The following SPTBN1 variants were observed in gnomAD, a reference collection of about 807,000 sequenced individuals.
SPTBN1 encodes the protein spectrin beta, non-erythrocytic 1.
Under a neutral mutation model 266.4 loss-of-function variants are expected in SPTBN1, and 32 were observed. The observed-to-expected ratio is 0.12, with a 90% CI of 0.09 to 0.16. SPTBN1 has a LOEUF of 0.16. SPTBN1 is among the 10% of genes least tolerant of loss of function. SPTBN1 has a pLI of 1.00. For missense variants in SPTBN1, 2,296 were observed against 3,067.1 expected (o/e 0.75, Z 5.94); for synonymous variants, 1,336 against 1,162.2 (o/e 1.15, Z -3.04).
rs1678588172 is a variant in SPTBN1, at chr2:54,629,550, C to G, written c.2416C>G (p.Gln806Glu). The G allele has an allele frequency of 6.2e-7, 1 of 1,614,108 alleles. No individual in the cohort carries two copies. Among genetic ancestry groups the G allele is most frequent in the Non-Finnish European group, 8.5e-7 (1 of 1,180,046 alleles). Residue 806 changes from glutamine to glutamate, a missense_variant, in exon 14 of 36, where the codon CAA becomes GAA. Physicochemically the swap from Gln to Glu is conservative, Grantham distance 29 (BLOSUM62 2). This residue lies in a region of SPTBN1 where 434 missense variants were observed against 573.9 expected (regional missense o/e 0.76). Coordinates refer to ENST00000356805, the MANE Select transcript of SPTBN1 (RefSeq NM_003128.3). ...GCCCACCCTTGACACGCTGCACGAACAAGCCAGCGCCCTCCCCCAGGAGCA... is the reference window on the plus strand; with the variant it reads ...GCCCACCCTTGACACGCTGCACGAAGAAGCCAGCGCCCTCCCCCAGGAGCA... ...YRPTLDTLHE[Q>E]ASALPQEHAE...
At chr2:54,516,803 C>T (rs926024530) in intron 1 of SPTBN1, among the ~76,000 whole-genome samples, 1 of 152,080 alleles carries the variant, frequency 6.6e-6, no homozygotes, top group Non-Finnish European at 1.5e-5. Context: ...TAACATGTGC[C>T]CAAGGTGGTC....
chr2:54,470,089 A>G (rs1016992881), intron 1 of SPTBN1, among the ~76,000 whole-genome samples: 1 of 152,178 alleles, frequency 6.6e-6, no homozygotes, highest in Non-Finnish European at 1.5e-5. Context: ...TGAAAGGCCT[A>G]TTTTGCCTTC....
intron 2 of SPTBN1, among the ~76,000 whole-genome samples, chr2:54,591,574 G>C (rs1254298461): frequency 6.6e-6 from 1 of 152,152 alleles, no homozygotes; most frequent in Non-Finnish European, 1.5e-5. Flanking sequence ...GTCTTTAGGG[G>C]AACAATGAAT....
At position 54,626,582 on chromosome 2, in the gene SPTBN1, T is replaced by C. The variant is rs1395174556; in HGVS notation, c.1644+348T>C. 6.6e-6 allele frequency among the ~76,000 whole-genome samples: 1 copy of C among 152,158 alleles called. No individual in the cohort carries two copies. The highest frequency in any genetic ancestry group is 1.5e-5 in the Non-Finnish European group (1 of 68,026). ...TTGATCTGTGAGTGAGTGGTACTACTTTGGGCAGGGGTCCCGGAGAGGTGG... is the reference window on the plus strand; with the variant it reads ...TTGATCTGTGAGTGAGTGGTACTACCTTGGGCAGGGGTCCCGGAGAGGTGG... On this transcript the variant is annotated intron_variant, in intron 12 of 35. Coordinates refer to ENST00000356805, the MANE Select transcript of SPTBN1 (RefSeq NM_003128.3). The surrounding 1 kb of genome is among the most constrained non-coding windows in gnomAD (Gnocchi z 4.7).
intron 1 of SPTBN1, among the ~76,000 whole-genome samples, chr2:54,481,391 AGTGTGTGT>A (rs72077761): frequency 0.13 from 15,336 of 117,090 alleles, 779 homozygotes; most frequent in Middle Eastern, 0.15. Context: ...CAGAAACCTG[AGTGTGTGT>A]GTGTGTGTGT....
At chr2:54,501,356 TG>T (rs1199280474) in intron 1 of SPTBN1, among the ~76,000 whole-genome samples, 1 of 152,216 alleles carries the variant, frequency 6.6e-6, no homozygotes, top group Admixed American at 6.5e-5. Context: ...TAACTAAGAC[TG>T]ACAAATACCA....
In SPTBN1 at chr2:54,492,341, G is replaced by GTTTTTT. The variant is rs780631106; in HGVS notation, c.-47-34029_-47-34024dup. ...CTGGACATTTAGTTTGTCTGCAGTT[G>GTTTTTT]TTTTTTTGTTTTTTTTTTTTTTTGC... On this transcript the variant is annotated intron_variant, in intron 1 of 35. Transcript: ENST00000356805. 1.2e-3 allele frequency among the ~76,000 whole-genome samples: 109 copies of GTTTTTT among 88,344 alleles called. 4 individuals are homozygous for GTTTTTT. Among genetic ancestry groups the GTTTTTT allele is most frequent in the African/African-American group, 2.1e-3 (51 of 24,148 alleles). 58.0% of individuals were successfully genotyped at this position (88,344 alleles called of 152,430 possible). A position where few individuals can be genotyped will look rare whatever the true frequency, so the allele number is the denominator to read the frequency against.
chr2:54,470,413 C>G (rs927514335), intron 1 of SPTBN1, among the ~76,000 whole-genome samples: 2 of 152,206 alleles, frequency 1.3e-5, no homozygotes, highest in Non-Finnish European at 1.5e-5. Context: ...AACTGCTTCT[C>G]AGTCTCCTCA....
At chr2:54,551,056 T>G (rs1258732357) in intron 2 of SPTBN1, among the ~76,000 whole-genome samples, 1 of 152,218 alleles carries the variant, frequency 6.6e-6, no homozygotes, top group Non-Finnish European at 1.5e-5. Context: ...TGAATATACT[T>G]GAGGGCAGGA....
rs183081183 is a variant in SPTBN1, at chr2:54,658,341, C to T, written c.6243+295C>T. Among the ~76,000 whole-genome samples the T allele has an allele frequency of 2.6e-5, 4 of 152,120 alleles. No individual in the cohort carries two copies. In the East Asian group the frequency reaches 7.7e-4, roughly 29 times the overall value. On this transcript the variant is annotated intron_variant, in intron 30 of 35. Coordinates refer to ENST00000356805, the MANE Select transcript of SPTBN1 (RefSeq NM_003128.3). ...TTTTTTCTTCGAATCTTTCATTCTC[C>T]CCTATCTCATAAAAGCTTTGTTCTC... is the stretch of plus-strand genomic sequence containing the variant.
intron 1 of SPTBN1, among the ~76,000 whole-genome samples, chr2:54,519,097 T>C (rs1670277036): frequency 6.6e-6 from 1 of 152,208 alleles, no homozygotes; most frequent in Non-Finnish European, 1.5e-5. Flanking sequence ...GCGTTGTGAC[T>C]GATGGAGATA....
intron 1 of SPTBN1, among the ~76,000 whole-genome samples, chr2:54,492,827 A>G (rs1191494326): frequency 2.0e-5 from 3 of 151,874 alleles, no homozygotes; most frequent in Non-Finnish European, 4.4e-5. Context: ...GTTAATAGAA[A>G]TAATAAAAGC....
chr2:54,649,788 G>A lies in SPTBN1; in HGVS notation c.5376G>A (p.Glu1792=), dbSNP rs773354602. 1.2e-6 allele frequency: 2 copies of A among 1,614,184 alleles called. No individual in the cohort carries two copies. The highest frequency in any genetic ancestry group is 1.3e-5 in the African/African-American group (1 of 75,050). The part of the protein sequence containing the change: ...GLNEAWADLL[E]LIDTRTQILA... ...ATGAAGCCTGGGCCGACCTCCTGGAGCTCATTGACACAAGAACACAGATTC... is the reference window on the plus strand; with the variant it reads ...ATGAAGCCTGGGCCGACCTCCTGGAACTCATTGACACAAGAACACAGATTC... Residue 1792 remains glutamate, a synonymous_variant, in exon 26 of 36, where the codon GAG becomes GAA. Transcript: ENST00000356805. The surrounding 1 kb of genome is among the most constrained non-coding windows in gnomAD (Gnocchi z 6.7).
Position 54,629,224 on chromosome 2 carries a change from C to T in SPTBN1, c.2090C>T (p.Ala697Val). Residue 697 changes from alanine (A) to valine (V), a missense_variant, in exon 14 of 36, where the codon GCC (alanine) becomes GTC (valine). By Grantham distance (64) the Ala-to-Val change is moderately conservative. Coordinates refer to ENST00000356805, the MANE Select transcript of SPTBN1 (RefSeq NM_003128.3). ...GGCCGCAGTGGCCACTTTGAGCAGG[C>T]CATCAAGGAAGGCGAAGACATGATC... is the stretch of plus-strand genomic sequence containing the variant. ...MSGRSGHFEQ[A>V]IKEGEDMIAE... 6.2e-7 allele frequency: 1 copy of T among 1,613,776 alleles called. No individual in the cohort carries two copies. Among genetic ancestry groups the T allele is most frequent in the Non-Finnish European group, 8.5e-7 (1 of 1,180,012 alleles).
intron 2 of SPTBN1, among the ~76,000 whole-genome samples, chr2:54,569,141 T>C (rs1023631146): frequency 6.6e-6 from 1 of 152,158 alleles, no homozygotes; most frequent in Non-Finnish European, 1.5e-5. Flanking sequence ...TGAAACTTGT[T>C]GGCCGGAAGT....
rs1681280200 is a variant in SPTBN1 at position 54,664,997 on chromosome 2, T to G, written c.6659+306T>G. Among the ~76,000 whole-genome samples, 1 of 152,208 alleles carries G rather than the reference T, an allele frequency of 6.6e-6. No homozygotes were observed. The highest frequency in any genetic ancestry group is 1.5e-5 in the Non-Finnish European group (1 of 68,032). Reference sequence around the variant, plus strand: ...CTTTACTTTAAGTGATTGATTTCATTTAGGACTCCTTGTGGGTTTTTTGTA... The same window carrying G: ...CTTTACTTTAAGTGATTGATTTCATGTAGGACTCCTTGTGGGTTTTTTGTA... On this transcript the variant is annotated intron_variant, in intron 33 of 35. Coordinates refer to ENST00000356805, the MANE Select transcript of SPTBN1 (RefSeq NM_003128.3). This position sits in a 1 kb window ranked among gnomAD's most constrained non-coding sequence, Gnocchi z 5.6.
chr2:54,552,046 T>G (rs1672596146), intron 2 of SPTBN1, among the ~76,000 whole-genome samples: 1 of 151,872 alleles, frequency 6.6e-6, no homozygotes. Flanking sequence ...AAGGGAGGGG[T>G]ATCAGTACAT....
chr2:54,512,109 G>A (rs934308987), intron 1 of SPTBN1, among the ~76,000 whole-genome samples: 2 of 152,188 alleles, frequency 1.3e-5, no homozygotes, highest in Admixed American at 1.3e-4. Flanking sequence ...ACAGGAGGCA[G>A]AGCTCAGATG....
chr2:54,637,662 A>C, intron 17 of SPTBN1, 51 bp from the exon 18 acceptor site: 1 of 1,416,498 alleles, frequency 7.1e-7, no homozygotes, highest in Non-Finnish European at 9.9e-7. Flanking sequence ...TCTGTATTTC[A>C]AGATTCTCTA....
Sources: allele counts gnomAD v4.1 joint callset (sites outside exome capture counted in the v4.1 genomes callset), GRCh38; gene constraint gnomAD v4.1.1; regional missense constraint gnomAD v4.1.1; non-coding constraint Gnocchi (gnomAD v3.1); transcripts MANE v1.5; gene names NCBI Gene and HGNC (gene_info 2026-07-23, HGNC 2026-07-21).